Variants in ZNRF3 observed in about 807,000 individuals in gnomAD.
ZNRF3 encodes E3 ubiquitin-protein ligase ZNRF3.
ZNRF3 carries 23 observed loss-of-function variants against 72.5 expected under a neutral mutation model. The observed-to-expected ratio is 0.32, with a 90% CI of 0.23 to 0.45. ZNRF3 has a LOEUF of 0.45. Among genes scored for constraint, ZNRF3 ranks in the 20% least tolerant of loss-of-function variants. The pLI is 1.00. For missense variants in ZNRF3, 1,169 were observed against 1,272.1 expected, an observed-to-expected ratio of 0.92 and a Z score of 1.23; for synonymous variants, 610 against 545.3, an observed-to-expected ratio of 1.12 and a Z score of -1.65.
At chr22:28,982,387 T>C (rs572860530) in intron 1 of ZNRF3, among the ~76,000 whole-genome samples, 1 of 135,196 alleles carries the variant, frequency 7.4e-6, no homozygotes, top group African/African-American at 2.9e-5. Flanking sequence ...TGCTTGCGCC[T>C]AGGAGTTCAA....
chr22:28,975,904 G>C (rs916236750), intron 1 of ZNRF3, among the ~76,000 whole-genome samples: 1 of 152,152 alleles, frequency 6.6e-6, no homozygotes, highest in Non-Finnish European at 1.5e-5. Flanking sequence ...GCCCAAGTTG[G>C]GTTTAGAGCT....
chr22:28,907,113 G>C (rs1217166022), intron 1 of ZNRF3, among the ~76,000 whole-genome samples: 2 of 150,512 alleles, frequency 1.3e-5, no homozygotes, highest in Non-Finnish European at 3.0e-5. Context: ...CTCCCGAGTA[G>C]CTGGGACTAC....
At chr22:28,941,111 G>GA (rs1444057091) in intron 1 of ZNRF3, among the ~76,000 whole-genome samples, 1 of 152,164 alleles carries the variant, frequency 6.6e-6, no homozygotes, top group African/African-American at 2.4e-5. Flanking sequence ...AAAATGAGAA[G>GA]AGTAGGGTAG....
rs1359961425 is a variant in ZNRF3, at chr22:28,995,122, G to A, written c.426+7921G>A. On this transcript the variant is annotated intron_variant, in intron 2 of 8. Transcript: ENST00000544604. ...TCTCTTCATGACAAAGTGGATGGAG[G>A]ATAGGAAAATCAAACTAATTGAAAT... Among the ~76,000 whole-genome samples, 4 of 152,228 alleles carry A rather than the reference G, an allele frequency of 2.6e-5. No individual in the cohort carries two copies. In the East Asian group the frequency reaches 7.7e-4, roughly 29 times the overall value.
chr22:28,975,143 G>A (rs1292796438), intron 1 of ZNRF3, among the ~76,000 whole-genome samples: 2 of 152,106 alleles, frequency 1.3e-5, no homozygotes, highest in African/African-American at 4.8e-5. Context: ...CTTTGGCTGG[G>A]TGCAGTGGCT....
rs2034906108 is a variant in ZNRF3 at position 28,939,609 on chromosome 22, G to A, written c.301-47467G>A. Among the ~76,000 whole-genome samples, 4 of 151,508 alleles carry A rather than the reference G, an allele frequency of 2.6e-5. No individual in the cohort carries two copies. The South Asian group carries it at 8.4e-4, about 32-fold the overall frequency. ...GCATCCTCAGAGCATTCTCTTAATG[G>A]GCCTCACTCCCATTTACATGTTATC... is the stretch of plus-strand genomic sequence containing the variant. On this transcript the variant is annotated intron_variant, in intron 1 of 8. Coordinates refer to ENST00000544604, the MANE Select transcript of ZNRF3 (RefSeq NM_001206998.2).
At position 28,895,508 on chromosome 22, in the gene ZNRF3, A is replaced by G. The variant is rs190737269; in HGVS notation, c.300+11442A>G. On this transcript the variant is annotated intron_variant, in intron 1 of 8. Coordinates refer to ENST00000544604, the MANE Select transcript of ZNRF3 (RefSeq NM_001206998.2). ...CGATGAAACCCCGTCTCTACTAAAA[A>G]TACAAAAAATTAGCCAGGCGCAGTG... Among the ~76,000 whole-genome samples the G allele has an allele frequency of 7.7e-4, 117 of 152,270 alleles. 3 individuals are homozygous for G. The East Asian group carries it at 0.021, about 28-fold the overall frequency.
intron 8 of ZNRF3, among the ~76,000 whole-genome samples, chr22:29,052,626 G>A (rs183065078): frequency 7.3e-5 from 11 of 151,644 alleles, no homozygotes; most frequent in Admixed American, 3.9e-4. Flanking sequence ...CCGGGACGCC[G>A]TTGTTGCAGT....
intron 1 of ZNRF3, among the ~76,000 whole-genome samples, chr22:28,952,605 T>C (rs2035185561): frequency 6.6e-6 from 1 of 152,154 alleles, no homozygotes; most frequent in Non-Finnish European, 1.5e-5. Flanking sequence ...ATTGCATCGT[T>C]ATTTTCTATT....
intron 1 of ZNRF3, among the ~76,000 whole-genome samples, chr22:28,895,996 G>C (rs983935501): frequency 6.6e-6 from 1 of 152,208 alleles, no homozygotes; most frequent in Non-Finnish European, 1.5e-5. Flanking sequence ...TGTCGGCCAG[G>C]CTGGAGTGCA....
At position 28,954,954 on chromosome 22, in the gene ZNRF3, G is replaced by A. The variant is rs116921024; in HGVS notation, c.301-32122G>A. Among the ~76,000 whole-genome samples the A allele has an allele frequency of 3.9e-3, 593 of 151,336 alleles. 5 individuals are homozygous for A. The highest frequency in any genetic ancestry group is 7.0e-3 in the Non-Finnish European group (476 of 67,872). Reference sequence around the variant, plus strand: ...ATCTTAAAATCTGTGAAATGTCCTGGTTTAATTTTTTTCTTGTCCACTAAA... The same window carrying A: ...ATCTTAAAATCTGTGAAATGTCCTGATTTAATTTTTTTCTTGTCCACTAAA... On this transcript the variant is annotated intron_variant, in intron 1 of 8. Coordinates refer to ENST00000544604, the MANE Select transcript of ZNRF3 (RefSeq NM_001206998.2).
rs1418871230 is a variant in ZNRF3 at position 28,983,898 on chromosome 22, AAG to A, written c.301-3175_301-3174del. Among the ~76,000 whole-genome samples the A allele has an allele frequency of 5.9e-5, 9 of 152,100 alleles. No homozygotes were observed. In the East Asian group the frequency reaches 1.7e-3, roughly 29 times the overall value. On this transcript the variant is annotated intron_variant, in intron 1 of 8. Coordinates refer to ENST00000544604, the MANE Select transcript of ZNRF3 (RefSeq NM_001206998.2). ...CACATGTAGATCCTGAGTCCCTGTG[AAG>A]AGTTTCTCAGTGTTATTTACTTGTG...
intron 1 of ZNRF3, among the ~76,000 whole-genome samples, chr22:28,969,965 A>G (rs896850363): frequency 6.6e-6 from 1 of 152,134 alleles, no homozygotes; most frequent in African/African-American, 2.4e-5. Context: ...GTAGGGGAGA[A>G]AGGAAGCAAG....
chr22:29,044,790 A>G lies in ZNRF3; in HGVS notation c.644A>G (p.Glu215Gly). 1 of 1,613,772 alleles carries G rather than the reference A, an allele frequency of 6.2e-7. No homozygotes were observed. The highest frequency in any genetic ancestry group is 8.5e-7 in the Non-Finnish European group (1 of 1,179,682). Residue 215 changes from glutamate (E) to glycine (G), a missense_variant, in exon 5 of 9, where the codon GAA becomes GGA. Transcript: ENST00000544604. The stretch of plus-strand genomic sequence containing the variant: ...TGTGTTCCGTTCCAGCAACCCACTG[A>G]ATACTTTGACATGGGGATTTTCCTG... ...IQHRPPRQPT[E>G]YFDMGIFLAF... is the part of the protein sequence containing the mutation.
At position 29,037,374 on chromosome 22, in the gene ZNRF3, G is replaced by A. The variant is rs144618737; in HGVS notation, c.427-5121G>A. 1.4e-4 allele frequency among the ~76,000 whole-genome samples: 22 copies of A among 152,254 alleles called. No individual in the cohort carries two copies. The East Asian group carries it at 3.5e-3, about 24-fold the overall frequency. The stretch of plus-strand genomic sequence containing the variant: ...GATGGGACAATTCTCATCATAATTG[G>A]TACATTTGCACTGGAACATTCTAGA... On this transcript the variant is annotated intron_variant, in intron 2 of 8. Transcript: ENST00000544604.
intron 1 of ZNRF3, among the ~76,000 whole-genome samples, chr22:28,888,348 G>A (rs1601525430): frequency 6.6e-6 from 1 of 152,254 alleles, no homozygotes; most frequent in East Asian, 1.9e-4. Flanking sequence ...TAACTTAACA[G>A]GCCTGCCTCT....
intron 1 of ZNRF3, among the ~76,000 whole-genome samples, chr22:28,887,581 G>T (rs1044746971): frequency 1.3e-5 from 2 of 152,018 alleles, no homozygotes; most frequent in African/African-American, 4.8e-5. Flanking sequence ...TGTGAAAGTT[G>T]TGGTGAAAAC....
At chr22:29,009,754 G>C (rs41382448) in intron 2 of ZNRF3, among the ~76,000 whole-genome samples, 18,348 of 151,978 alleles carry the variant, frequency 0.12, 1,901 homozygotes, top group African/African-American at 0.28. Flanking sequence ...CTAATTCTTT[G>C]ACCTTGAATC....
chr22:28,902,608 T>C (rs923723131), intron 1 of ZNRF3, among the ~76,000 whole-genome samples: 1 of 152,202 alleles, frequency 6.6e-6, no homozygotes, highest in African/African-American at 2.4e-5. Context: ...CTGGGTTTCC[T>C]TTGATGGGAG....
Sources: gnomAD v4.1 joint callset for allele counts (sites outside exome capture counted in the v4.1 genomes callset) on GRCh38, gnomAD v4.1.1 for gene constraint, MANE v1.5 for transcripts, NCBI Gene and HGNC (gene_info 2026-07-23, HGNC 2026-07-21) for gene names.